The following LINGO2 variants were observed in gnomAD, a reference collection of about 807,000 sequenced individuals.
LINGO2 encodes leucine rich repeat and Ig domain containing 2.
Under a neutral mutation model 30.6 loss-of-function variants are expected in LINGO2, and 14 were observed. The ratio of observed to expected loss-of-function variants is 0.46; its 90% CI spans 0.30 to 0.72. The LOEUF (loss-of-function observed/expected upper bound fraction) is 0.72, where lower values mean the gene tolerates loss of function less well. Ranked by LOEUF, LINGO2 falls within the 30% of genes least tolerant of loss-of-function variation. The pLI, the probability that LINGO2 is intolerant of heterozygous loss-of-function variation, is 0.07. For missense variants in LINGO2, 729 were observed against 751.7 expected (o/e 0.97, Z 0.35); for synonymous variants, 317 against 288.5 (o/e 1.10, Z -1.00).
chr9:27,965,804 T>G (rs190227324), intron 5 of LINGO2, among the ~76,000 whole-genome samples: 202 of 152,230 alleles, frequency 1.3e-3, no homozygotes, highest in African/African-American at 4.6e-3. Context: ...TGAGGTCTCT[T>G]TGAAATTAAT....
chr9:29,178,345 T>C, the LINGO2 span, among the ~76,000 whole-genome samples: 1 of 152,224 alleles, frequency 6.6e-6, no homozygotes, highest in East Asian at 1.9e-4. Flanking sequence ...CCCATTTTTT[T>C]CCTAGTCTAA....
the LINGO2 span, among the ~76,000 whole-genome samples, chr9:29,144,223 T>C: frequency 6.6e-6 from 1 of 152,192 alleles, no homozygotes; most frequent in African/African-American, 2.4e-5. Flanking sequence ...CTTTGTTCTT[T>C]TTGCTTAGGA....
At position 28,606,916 on chromosome 9, in the gene LINGO2, T is replaced by A. The variant is rs375319524; in HGVS notation, c.-365+63284A>T. Among the ~76,000 whole-genome samples, 5 of 152,200 alleles carry A rather than the reference T, an allele frequency of 3.3e-5. No individual in the cohort carries two copies. In the East Asian group the frequency reaches 7.7e-4, roughly 23 times the overall value. On this transcript the variant is annotated intron_variant, in intron 1 of 5. Coordinates refer to ENST00000379992, the Ensembl canonical transcript of LINGO2. ...ACAAGTGTTCTTACAAAAAACAAAA[T>A]ATTAATTGGCATATTTCATATAAAC...
intron 2 of LINGO2, among the ~76,000 whole-genome samples, chr9:28,388,041 C>T (rs1328565660): frequency 6.6e-6 from 1 of 152,168 alleles, no homozygotes; most frequent in Non-Finnish European, 1.5e-5. Flanking sequence ...TTACTGAGAT[C>T]AGCCATTACT....
At chr9:28,730,160 A>C in the LINGO2 span, among the ~76,000 whole-genome samples, 2 of 152,298 alleles carry the variant, frequency 1.3e-5, no homozygotes, top group African/African-American at 4.8e-5. Flanking sequence ...TATTAGTATA[A>C]ATCAAGAAAC....
the LINGO2 span, among the ~76,000 whole-genome samples, chr9:29,110,479 C>T: frequency 6.6e-6 from 1 of 151,530 alleles, no homozygotes; most frequent in Non-Finnish European, 1.5e-5. Flanking sequence ...ACTACAGGCG[C>T]CCGCCGCCAC....
At chr9:28,016,622 G>A (rs1822851451) in intron 4 of LINGO2, among the ~76,000 whole-genome samples, 1 of 144,500 alleles carries the variant, frequency 6.9e-6, no homozygotes, top group Non-Finnish European at 1.5e-5. Context: ...AACCTCCCAA[G>A]ACTGAACCAG....
chr9:28,055,999 C>T (rs1022445736), intron 4 of LINGO2, among the ~76,000 whole-genome samples: 5 of 151,738 alleles, frequency 3.3e-5, no homozygotes, highest in Non-Finnish European at 7.4e-5. Context: ...CATTATGAGA[C>T]GAAAAGAAAG....
At chr9:28,811,615 C>A in the LINGO2 span, among the ~76,000 whole-genome samples, 1 of 152,228 alleles carries the variant, frequency 6.6e-6, no homozygotes, top group Admixed American at 6.5e-5. Context: ...TATTCCTCAA[C>A]CAAACTATAC....
At chr9:28,884,415 G>A in the LINGO2 span, among the ~76,000 whole-genome samples, 7 of 152,194 alleles carry the variant, frequency 4.6e-5, no homozygotes, top group African/African-American at 1.2e-4. Context: ...GAAAGTGAAT[G>A]TAATTCTGAG....
exon 6 of LINGO2, chr9:27,948,706 T>G (rs1823466474): frequency 1.1e-6 from 1 of 914,402 alleles, no homozygotes; most frequent in African/African-American, 1.7e-5. Flanking sequence ...GAGTCTCCAT[T>G]GGAAGTCCTC....
At chr9:28,085,274 T>C (rs1202399204) in intron 4 of LINGO2, among the ~76,000 whole-genome samples, 1 of 152,180 alleles carries the variant, frequency 6.6e-6, no homozygotes, top group Non-Finnish European at 1.5e-5. Flanking sequence ...TCTTGTTTTA[T>C]CTATAACTCC....
the LINGO2 span, among the ~76,000 whole-genome samples, chr9:28,948,675 T>C: frequency 1.3e-5 from 2 of 152,090 alleles, no homozygotes; most frequent in Non-Finnish European, 2.9e-5. Context: ...TTTGGTTTCA[T>C]TACAATAAAT....
the LINGO2 span, among the ~76,000 whole-genome samples, chr9:29,200,241 T>C: frequency 6.6e-6 from 1 of 152,012 alleles, no homozygotes; most frequent in Non-Finnish European, 1.5e-5. Flanking sequence ...CTCTGTAACA[T>C]TGGCCAAATA....
intron 1 of LINGO2, among the ~76,000 whole-genome samples, chr9:28,635,436 T>C (rs1827215383): frequency 6.6e-6 from 1 of 151,896 alleles, no homozygotes; most frequent in South Asian, 2.1e-4. Context: ...TAAGATACAG[T>C]GAAATTAAAG....
chr9:29,080,968 T>A, the LINGO2 span, among the ~76,000 whole-genome samples: 1 of 152,058 alleles, frequency 6.6e-6, no homozygotes, highest in East Asian at 1.9e-4. Flanking sequence ...TTAGGTCCGC[T>A]TGGTGCTCAG....
intron 5 of LINGO2, among the ~76,000 whole-genome samples, chr9:27,955,499 G>T (rs1267551252): frequency 6.6e-6 from 1 of 152,078 alleles, no homozygotes; most frequent in Non-Finnish European, 1.5e-5. Flanking sequence ...AGTAAGCACT[G>T]ATCTGCATTG....
At chr9:29,159,884 A>C in the LINGO2 span, among the ~76,000 whole-genome samples, 1 of 152,012 alleles carries the variant, frequency 6.6e-6, no homozygotes, top group African/African-American at 2.4e-5. Flanking sequence ...CTCATTCAAT[A>C]GTTCAGAAAT....
At chr9:28,768,058 C>G in the LINGO2 span, among the ~76,000 whole-genome samples, 1 of 152,048 alleles carries the variant, frequency 6.6e-6, no homozygotes, top group African/African-American at 2.4e-5. Flanking sequence ...TTTAATTGTA[C>G]CATATTATTT....
Sources: allele counts gnomAD v4.1 joint callset (sites outside exome capture counted in the v4.1 genomes callset), GRCh38; gene constraint gnomAD v4.1.1; transcripts MANE v1.5; gene names NCBI Gene and HGNC (gene_info 2026-07-23, HGNC 2026-07-21).